BCL2L13: variants seen among roughly 807,000 people sequenced by gnomAD.
BCL2L13 encodes bcl-2-like protein 13.
Under a neutral mutation model 25.8 loss-of-function variants are expected in BCL2L13, and 13 were observed. The ratio of observed to expected loss-of-function variants is 0.50; its 90% CI spans 0.33 to 0.80. The LOEUF is 0.80. Among genes scored for constraint, BCL2L13 ranks in the 30% least tolerant of loss-of-function variants. The probability of loss-of-function intolerance (pLI) is 0.02; values close to 1 mark genes in which losing one functional copy is unlikely to be tolerated. For synonymous variants in BCL2L13, 244 were observed against 230.3 expected, an observed-to-expected ratio of 1.06 and a Z score of -0.54; for missense variants, 504 against 574.9, an observed-to-expected ratio of 0.88 and a Z score of 1.26.
In BCL2L13 at chr22:17,656,335, C is replaced by CTTTTTTTTTTTTT. The variant is rs890631679; in HGVS notation, c.121+524_121+536dup. On this transcript the variant is annotated intron_variant, in intron 2 of 6. Transcript: ENST00000317582. The stretch of plus-strand genomic sequence containing the variant: ...CAAAAGTATTTTTTTTCATTTTATT[C>CTTTTTTTTTTTTT]TTTTTTTTTTTTTTTTTTTTTTTTT... 2.6e-3 allele frequency among the ~76,000 whole-genome samples: 148 copies of CTTTTTTTTTTTTT among 57,884 alleles called. 22 individuals carry two copies. The highest frequency in any genetic ancestry group is 0.029 in the Middle Eastern group (1 of 34). The allele number at this position is 57,884 out of a possible 152,430, so 38.0% of individuals were successfully genotyped here.
chr22:17,717,380 C>CAAAAAAAAAA (rs371314290), intron 6 of BCL2L13, among the ~76,000 whole-genome samples: 16 of 126,248 alleles, frequency 1.3e-4, no homozygotes, highest in African/African-American at 5.3e-4. Context: ...GACTCTGTCT[C>CAAAAAAAAAA]AAAAAAGATC....
chr22:17,669,644 C>T (rs2059353492), intron 2 of BCL2L13, among the ~76,000 whole-genome samples: 1 of 152,174 alleles, frequency 6.6e-6, no homozygotes, highest in South Asian at 2.1e-4. Flanking sequence ...GATCAACTCT[C>T]AACATGAGAT....
Position 17,689,139 on chromosome 22 carries a change from G to A in BCL2L13, c.383G>A (p.Ser128Asn). The A allele has an allele frequency of 6.2e-7, 1 of 1,613,904 alleles. No homozygotes were observed. Among genetic ancestry groups the A allele is most frequent in the South Asian group, 1.1e-5 (1 of 91,052 alleles). ...PLHKALQMLL[S>N]QPVTYQAFRE... Reference sequence around the variant, plus strand: ...CATAAAGCATTGCAAATGCTCCTGAGCCAGTGAGTTACACTGCTGAGTGGG... The same window carrying A: ...CATAAAGCATTGCAAATGCTCCTGAACCAGTGAGTTACACTGCTGAGTGGG... The change falls in exon 4 of 7, where the codon AGC becomes AAC. Residue 128 changes from serine to asparagine, a missense_variant. Physicochemically the swap from Ser to Asn is conservative, Grantham distance 46. Transcript: ENST00000317582.
At chr22:17,717,771 C>G (rs1445450897) in intron 6 of BCL2L13, among the ~76,000 whole-genome samples, 1 of 152,018 alleles carries the variant, frequency 6.6e-6, no homozygotes, top group Non-Finnish European at 1.5e-5. Context: ...TTTTAGGAGT[C>G]TTTGCATTGC....
At chr22:17,683,965 A>G (rs1437222746) in intron 3 of BCL2L13, among the ~76,000 whole-genome samples, 1 of 151,518 alleles carries the variant, frequency 6.6e-6, no homozygotes, top group African/African-American at 2.4e-5. Context: ...GTAAGCCACC[A>G]TGCCTGGCCT....
intron 6 of BCL2L13, among the ~76,000 whole-genome samples, chr22:17,707,944 A>C (rs1290444497): frequency 1.3e-5 from 2 of 152,164 alleles, no homozygotes; most frequent in African/African-American, 4.8e-5. Flanking sequence ...TGATGCAGCC[A>C]ATTTTTGTAA....
chr22:17,682,633 A>G (rs1020418032), intron 2 of BCL2L13, among the ~76,000 whole-genome samples: 2 of 152,202 alleles, frequency 1.3e-5, no homozygotes, highest in Non-Finnish European at 2.9e-5. Flanking sequence ...TCTTGAGTTA[A>G]TGTGTTTCTG....
intron 1 of BCL2L13, among the ~76,000 whole-genome samples, chr22:17,639,551 C>G (rs1346020841): frequency 6.6e-6 from 1 of 152,120 alleles, no homozygotes; most frequent in Non-Finnish European, 1.5e-5. Context: ...GAAAATCGGA[C>G]GGATCTGGCC....
At chr22:17,631,604 T>G (rs1008859404) in intron 1 of BCL2L13, among the ~76,000 whole-genome samples, 1 of 141,546 alleles carries the variant, frequency 7.1e-6, no homozygotes, top group Non-Finnish European at 1.5e-5. Flanking sequence ...GCTCAGGGGA[T>G]CCTCCCACCT....
Position 17,722,376 on chromosome 22 carries a change from GGGGTGTGTGTGTGTGT to G in BCL2L13, c.601-4299_601-4284del, listed in dbSNP as rs983389903. Among the ~76,000 whole-genome samples, 288 of 67,916 alleles carry G rather than the reference GGGGTGTGTGTGTGTGT, an allele frequency of 4.2e-3. 2 individuals are homozygous for G. The highest frequency in any genetic ancestry group is 0.012 in the African/African-American group (280 of 22,684). 44.6% of individuals were successfully genotyped at this position (67,916 alleles called of 152,430 possible). On this transcript the variant is annotated intron_variant, in intron 6 of 6. Transcript: ENST00000317582. ...CCTGAGTTGAGTAGATGAGACTACA[GGGGTGTGTGTGTGTGT>G]GTGTGTGTGTGTGTGTGTGTGTGTG...
upstream of BCL2L13, among the ~76,000 whole-genome samples, chr22:17,635,566 G>T (rs2058090352): frequency 6.6e-6 from 1 of 152,048 alleles, no homozygotes; most frequent in Non-Finnish European, 1.5e-5. Flanking sequence ...CTGTTCCATT[G>T]ACCTGTATGT....
rs1207070673 is a variant in BCL2L13, at chr22:17,728,335, G to GA, written c.*805dup. Reference sequence around the variant, plus strand: ...GGAATCTTCGAAATATGTACACAGAGAAAATCACATGAAGGAGACCTGGGG... The same window carrying GA: ...GGAATCTTCGAAATATGTACACAGAGAAAAATCACATGAAGGAGACCTGGGG... On this transcript the variant is annotated 3_prime_UTR_variant, in exon 7 of 7. Coordinates refer to ENST00000317582, the MANE Select transcript of BCL2L13 (RefSeq NM_015367.4). The GA allele has an allele frequency of 6.6e-6, 1 of 152,218 alleles. No homozygotes were observed. The highest frequency in any genetic ancestry group is 1.5e-5 in the Non-Finnish European group (1 of 68,054). 9.4% of individuals were successfully genotyped at this position (152,218 alleles called of 1,614,324 possible). A position where few individuals can be genotyped will look rare whatever the true frequency, so the allele number is the denominator to read the frequency against.
chr22:17,649,595 C>T (rs1416906923), intron 1 of BCL2L13, among the ~76,000 whole-genome samples: 13 of 151,980 alleles, frequency 8.6e-5, no homozygotes, highest in South Asian at 2.1e-4. Context: ...CTCTGCCTCC[C>T]GGGTTCAAGT....
chr22:17,672,249 C>T (rs896383028), intron 2 of BCL2L13, among the ~76,000 whole-genome samples: 3 of 152,176 alleles, frequency 2.0e-5, no homozygotes, highest in South Asian at 2.1e-4. Flanking sequence ...CATGCTAGGA[C>T]TTGGGAATCT....
chr22:17,697,482 A>T (rs562531995), intron 5 of BCL2L13, among the ~76,000 whole-genome samples: 1 of 152,328 alleles, frequency 6.6e-6, no homozygotes, highest in South Asian at 2.1e-4. Context: ...TTCGGGGGAC[A>T]TGTATGTGCA....
chr22:17,635,899 C>G (rs919270190), upstream of BCL2L13, among the ~76,000 whole-genome samples: 1 of 151,514 alleles, frequency 6.6e-6, no homozygotes, highest in African/African-American at 2.4e-5. Context: ...TTAGTAGAGA[C>G]GGGGTTTCAC....
chr22:17,698,102 C>A (rs1220303514), intron 5 of BCL2L13, among the ~76,000 whole-genome samples: 1 of 151,662 alleles, frequency 6.6e-6, no homozygotes, highest in East Asian at 1.9e-4. Context: ...AAGTGTGAGC[C>A]ACTGTGCCTG....
At chr22:17,647,749 A>G (rs73876483) in intron 1 of BCL2L13, among the ~76,000 whole-genome samples, 1,928 of 152,314 alleles carry the variant, frequency 0.013, 57 homozygotes, top group African/African-American at 0.044. Flanking sequence ...TCATTCAAGT[A>G]TAGAGGATTA....
chr22:17,695,567 GC>G (rs1412889088), intron 4 of BCL2L13, among the ~76,000 whole-genome samples: 4 of 152,034 alleles, frequency 2.6e-5, no homozygotes, highest in African/African-American at 7.2e-5. Context: ...TGATCCACCT[GC>G]CTCGGCCTCT....
Sources: gnomAD v4.1 joint callset for allele counts (sites outside exome capture counted in the v4.1 genomes callset) on GRCh38, gnomAD v4.1.1 for gene constraint, MANE v1.5 for transcripts, NCBI Gene and HGNC (gene_info 2026-07-23, HGNC 2026-07-21) for gene names.